Variants in ETV1 observed in about 807,000 individuals in gnomAD.
ETV1 encodes the protein ETS variant transcription factor 1.
Under a neutral mutation model 62.3 loss-of-function variants are expected in ETV1, and 27 were observed. The ratio of observed to expected loss-of-function variants is 0.43; its 90% CI spans 0.32 to 0.60. The LOEUF (loss-of-function observed/expected upper bound fraction) is 0.60. ETV1 is among the 20% of genes least tolerant of loss of function. The pLI, the probability that ETV1 is intolerant of heterozygous loss-of-function variation, is 0.06. For synonymous variants in ETV1, 222 were observed against 199.6 expected (o/e 1.11, Z -0.94); for missense variants, 605 against 605.8 (o/e 1.00, Z 0.01).
In ETV1 at chr7:13,893,275, G is replaced by A. The variant is rs1781502326; in HGVS notation, c.*2591C>T. 4.3e-6 allele frequency: 1 copy of A among 232,136 alleles called. No individual in the cohort carries two copies. The highest frequency in any genetic ancestry group is 5.6e-5 in the Admixed American group (1 of 17,740). 14.4% of individuals were successfully genotyped at this position (232,136 alleles called of 1,614,324 possible). ...AAATTCAAAACACAAGAATCTTGCAGAAATCAGCTGCCAGATTTATTAATC... is the reference window on the plus strand; with the variant it reads ...AAATTCAAAACACAAGAATCTTGCAAAAATCAGCTGCCAGATTTATTAATC... On this transcript the variant is annotated 3_prime_UTR_variant, in exon 14 of 14. Coordinates refer to ENST00000430479, the MANE Select transcript of ETV1 (RefSeq NM_004956.5).
chr7:13,892,043 T>C lies in ETV1; in HGVS notation c.*3823A>G, dbSNP rs111680196. The C allele has an allele frequency of 5.5e-3, 1,269 of 232,004 alleles. 18 individuals carry two copies. Among genetic ancestry groups the C allele is most frequent in the African/African-American group, 0.026 (1,181 of 45,420 alleles). The allele number at this position is 232,004 out of a possible 1,614,324, so 14.4% of individuals were successfully genotyped here. ...CTGTAGCTTCTGGCAATATATTTCT[T>C]TCCTGGTTATATAAAGATAAGTTGA... On this transcript the variant is annotated 3_prime_UTR_variant, in exon 14 of 14. Transcript: ENST00000430479.
intron 9 of ETV1, among the ~76,000 whole-genome samples, chr7:13,926,237 G>A (rs908720344): frequency 1.3e-5 from 2 of 152,122 alleles, no homozygotes; most frequent in African/African-American, 4.8e-5. Flanking sequence ...TCCTGAGAGT[G>A]AAATTACCAT....
intron 6 of ETV1, among the ~76,000 whole-genome samples, chr7:13,961,538 T>A (rs1321044705): frequency 6.6e-6 from 1 of 152,210 alleles, no homozygotes. Flanking sequence ...GAGCGAACAC[T>A]ATAATTATTA....
chr7:13,986,357 G>A (rs1782549715), intron 5 of ETV1: 4 of 1,488,502 alleles, frequency 2.7e-6, no homozygotes, highest in Non-Finnish European at 3.5e-6. Context: ...TCTGAACAGA[G>A]GCTTAGAACT....
intron 4 of ETV1, 25 bp downstream of exon 4, chr7:13,988,061 G>C (rs369990691): frequency 7.0e-6 from 10 of 1,434,324 alleles, no homozygotes; most frequent in Non-Finnish European, 9.8e-6. Context: ...AAAAAATGGG[G>C]ATTCAGCCCA....
rs1477637846 is a variant in ETV1, at chr7:13,896,016, A to T, written c.1284T>A (p.Asp428Glu). 1 of 1,613,826 alleles carries T rather than the reference A, an allele frequency of 6.2e-7. No homozygotes were observed. Among genetic ancestry groups the T allele is most frequent in the African/African-American group, 1.3e-5 (1 of 75,040 alleles). ...CTGTCTTCAGCAGTGGACGCTGATT[A>T]TCTGGAAAGGCCATGGAGAAAAGGG... ...PEALFSMAFP[D>E]NQRPLLKTDM... The change falls in exon 14 of 14, where the codon GAT becomes GAA. Residue 428 changes from aspartate (D) to glutamate (E), a missense_variant. Asp to Glu is a conservative substitution (Grantham distance 45). Around this residue, in one of 3 missense-constraint regions of ETV1, gnomAD observed 79 missense variants for 71.6 expected, o/e 1.10. Coordinates refer to ENST00000430479, the MANE Select transcript of ETV1 (RefSeq NM_004956.5).
At chr7:13,909,476 T>G (rs1783338604) in intron 11 of ETV1, among the ~76,000 whole-genome samples, 156 bp downstream of exon 11, 1 of 152,164 alleles carries the variant, frequency 6.6e-6, no homozygotes, top group Non-Finnish European at 1.5e-5. Context: ...AAGGAAGAGA[T>G]AAATTGTAAT....
intron 12 of ETV1, among the ~76,000 whole-genome samples, chr7:13,904,171 G>C (rs1229921613): frequency 3.3e-5 from 5 of 152,208 alleles, no homozygotes; most frequent in Non-Finnish European, 5.9e-5. Flanking sequence ...CCTGATGGAA[G>C]TAATTGCAAC....
At chr7:13,955,529 C>G (rs1194451575) in intron 6 of ETV1, among the ~76,000 whole-genome samples, 1 of 152,084 alleles carries the variant, frequency 6.6e-6, no homozygotes, top group Non-Finnish European at 1.5e-5. Context: ...GCCAATACAA[C>G]AAGAAGCAAA....
At chr7:13,986,717 A>T in intron 4 of ETV1, 32 bp from the exon 5 acceptor site, 1 of 1,526,410 alleles carries the variant, frequency 6.6e-7, no homozygotes, top group Middle Eastern at 1.7e-4. Flanking sequence ...TAAACATAAG[A>T]TTTGCAAATC....
At chr7:13,952,640 CG>C (rs1788963713) in intron 6 of ETV1, among the ~76,000 whole-genome samples, 1 of 152,082 alleles carries the variant, frequency 6.6e-6, no homozygotes, top group Non-Finnish European at 1.5e-5. Flanking sequence ...AATTTGACTA[CG>C]GGGACCCCCC....
intron 7 of ETV1, 37 bp from the exon 8 acceptor site, chr7:13,935,933 C>A: frequency 1.3e-6 from 2 of 1,484,228 alleles, no homozygotes; most frequent in Non-Finnish European, 1.8e-6. Flanking sequence ...ACATTTCTTT[C>A]TTTGGAGCAA....
chr7:13,910,324 C>T (rs1783438152), intron 10 of ETV1, among the ~76,000 whole-genome samples: 1 of 148,476 alleles, frequency 6.7e-6, no homozygotes, highest in Non-Finnish European at 1.5e-5. Context: ...CTCAAATATC[C>T]TTCACTGTGA....
chr7:13,970,881 A>C (rs1213113831), intron 6 of ETV1, among the ~76,000 whole-genome samples: 1 of 152,130 alleles, frequency 6.6e-6, no homozygotes, highest in Non-Finnish European at 1.5e-5. Context: ...TTTTTTTAGA[A>C]GCAGATTTGT....
chr7:13,930,961 T>A (rs1465527288), intron 9 of ETV1, among the ~76,000 whole-genome samples: 1 of 151,720 alleles, frequency 6.6e-6, no homozygotes, highest in African/African-American at 2.4e-5. Context: ...CCACCATGCC[T>A]GGCTAATTTT....
chr7:13,955,108 A>G (rs570315360), intron 6 of ETV1, among the ~76,000 whole-genome samples: 1 of 152,330 alleles, frequency 6.6e-6, no homozygotes, highest in African/African-American at 2.4e-5. Flanking sequence ...AAAACATTTT[A>G]TTTGAACCAA....
intron 9 of ETV1, among the ~76,000 whole-genome samples, 157 bp from the exon 10 acceptor site, chr7:13,911,464 C>A (rs773671176): frequency 2.6e-5 from 4 of 152,110 alleles, no homozygotes; most frequent in African/African-American, 4.8e-5. Flanking sequence ...AGGGCCCACA[C>A]ATGAAATGAA....
At chr7:13,958,593 C>G (rs951541471) in intron 6 of ETV1, among the ~76,000 whole-genome samples, 15 of 152,174 alleles carry the variant, frequency 9.9e-5, no homozygotes, top group Non-Finnish European at 2.1e-4. Context: ...CTGTTTGTTA[C>G]TATGGGCAAA....
Position 13,939,109 on chromosome 7 carries a change from G to A in ETV1, c.365+8C>T, listed in dbSNP as rs17167679. 9,520 of 1,611,372 alleles carry A rather than the reference G, an allele frequency of 5.9e-3. 34 individuals are homozygous for A. The highest frequency in any genetic ancestry group is 6.9e-3 in the Non-Finnish European group (8,122 of 1,178,998). ...ACTATCCTACATACATACACCTGGT[G>A]GCTTTACCTGACATTGTACAGGCAC... On this transcript the variant is annotated splice_region_variant and intron_variant, in intron 7 of 13. Transcript: ENST00000430479.
Sources: allele counts gnomAD v4.1 joint callset (sites outside exome capture counted in the v4.1 genomes callset), GRCh38; gene constraint gnomAD v4.1.1; regional missense constraint gnomAD v4.1.1; transcripts MANE v1.5; gene names NCBI Gene and HGNC (gene_info 2026-07-23, HGNC 2026-07-21).